COCH: variants seen among roughly 807,000 people sequenced by gnomAD.
COCH encodes the protein cochlin.
Under a neutral mutation model 54.8 loss-of-function variants are expected in COCH, and 40 were observed. That is an observed-to-expected ratio of 0.73 (90% CI 0.57 to 0.95). The LOEUF (loss-of-function observed/expected upper bound fraction) is 0.95. COCH is among the 40% of genes least tolerant of loss of function. The pLI is 0.00. For synonymous variants in COCH, 256 were observed against 237.9 expected (o/e 1.08, Z -0.70); for missense variants, 605 against 675.0 (o/e 0.90, Z 1.15).
chr14:30,888,638 A>G (rs1277095073), intron 11 of COCH, among the ~76,000 whole-genome samples: 1 of 152,034 alleles, frequency 6.6e-6, no homozygotes, highest in Non-Finnish European at 1.5e-5. Context: ...AAATTTAAAA[A>G]TTAGCTGGGC....
chr14:30,894,765 A>G (rs188492980), downstream of COCH: 28 of 215,544 alleles, frequency 1.3e-4, no homozygotes, highest in Non-Finnish European at 2.4e-4. Flanking sequence ...TAATGCAGAA[A>G]AACTTCAATA....
At position 30,875,118 on chromosome 14, in the gene COCH, T is replaced by TG. The variant is rs1895307754; in HGVS notation, c.82+19dup. 1.3e-6 allele frequency: 2 copies of TG among 1,556,146 alleles called. No individual in the cohort carries two copies. The highest frequency in any genetic ancestry group is 1.7e-6 in the Non-Finnish European group (2 of 1,151,204). On this transcript the variant is annotated intron_variant, in intron 3 of 11. Transcript: ENST00000396618. ...CGAGGGAGCCGGTGAGTGGGGGAGC[T>TG]GGGGTGCGTCCAGGCGGTCGCAGGG...
In COCH at chr14:30,875,112, G is replaced by T; in HGVS notation, c.82+9G>T. 6.4e-7 allele frequency: 1 copy of T among 1,559,628 alleles called. No homozygotes were observed. On this transcript the variant is annotated intron_variant, in intron 3 of 11. Transcript: ENST00000396618. Reference sequence around the variant, plus strand: ...GGGCAGCGAGGGAGCCGGTGAGTGGGGGAGCTGGGGTGCGTCCAGGCGGTC... The same window carrying T: ...GGGCAGCGAGGGAGCCGGTGAGTGGTGGAGCTGGGGTGCGTCCAGGCGGTC...
intron 5 of COCH, 134 bp downstream of exon 5, chr14:30,879,078 CTG>C: frequency 7.5e-7 from 1 of 1,335,414 alleles, no homozygotes; most frequent in Non-Finnish European, 1.1e-6. Context: ...TAGAGGTAAA[CTG>C]TAGGTTAGAC....
chr14:30,890,989 T>G (rs1045514787), downstream of COCH, among the ~76,000 whole-genome samples: 1 of 151,796 alleles, frequency 6.6e-6, no homozygotes, highest in Admixed American at 6.6e-5. Context: ...CAGTGAGCCA[T>G]GATCACACCA....
chr14:30,888,128 ATTAT>A (rs1895854221), intron 11 of COCH, among the ~76,000 whole-genome samples: 1 of 144,546 alleles, frequency 6.9e-6, no homozygotes, highest in African/African-American at 2.5e-5. Context: ...CAGTGGTGTG[ATTAT>A]TTTTTTTTTT....
chr14:30,876,799 A>AT (rs537945286), intron 3 of COCH, among the ~76,000 whole-genome samples: 4 of 149,344 alleles, frequency 2.7e-5, no homozygotes, highest in Middle Eastern at 3.5e-3. Flanking sequence ...AGATTTAAAA[A>AT]TTTTTTTTTT....
chr14:30,879,027 C>G (rs1012453247), intron 5 of COCH, 83 bp downstream of exon 5: 2 of 1,555,060 alleles, frequency 1.3e-6, no homozygotes, highest in Non-Finnish European at 1.8e-6. Context: ...GCCTCTTTAA[C>G]CTTGATGGAA....
intron 3 of COCH, chr14:30,875,506 C>A (rs920211317): frequency 7.9e-6 from 4 of 506,328 alleles, no homozygotes; most frequent in Non-Finnish European, 6.9e-6. Flanking sequence ...GCCGCCCAGA[C>A]CCGACTTCAG....
chr14:30,895,402 TTTG>T, downstream of COCH: 1 of 1,589,406 alleles, frequency 6.3e-7, no homozygotes, highest in East Asian at 2.2e-5. Context: ...GATGCAAGTT[TTTG>T]TTGATTCATA....
intron 11 of COCH, among the ~76,000 whole-genome samples, chr14:30,886,667 A>G (rs560974099): frequency 2.0e-4 from 30 of 152,344 alleles, no homozygotes; most frequent in Admixed American, 5.2e-4. Flanking sequence ...AACTTGGACT[A>G]TATCTCCAAA....
In COCH at chr14:30,877,221, G is replaced by A. The variant is rs1181869764; in HGVS notation, c.83-351G>A. The A allele has an allele frequency of 9.7e-5, 27 of 278,922 alleles. No homozygotes were observed. Among genetic ancestry groups the A allele is most frequent in the Non-Finnish European group, 1.0e-4 (15 of 145,196 alleles). The allele number at this position is 278,922 out of a possible 1,614,324, so 17.3% of individuals were successfully genotyped here. A position where few individuals can be genotyped will look rare whatever the true frequency, so the allele number is the denominator to read the frequency against. ...TAAGAACTGAGAAGCCAGGCACAGT[G>A]GCACACCTGTAATCCCAGCTACTAG... On this transcript the variant is annotated intron_variant, in intron 3 of 11. Transcript: ENST00000396618. The surrounding 1 kb of genome is among the most constrained non-coding windows in gnomAD (Gnocchi z 8.6).
downstream of COCH, chr14:30,894,836 T>G: frequency 4.1e-6 from 2 of 490,622 alleles, no homozygotes; most frequent in Non-Finnish European, 6.1e-6. Context: ...AACTAGAATT[T>G]TATCCAAACA....
downstream of COCH, among the ~76,000 whole-genome samples, chr14:30,893,186 C>G (rs1395518044): frequency 1.5e-5 from 2 of 129,906 alleles, no homozygotes; most frequent in African/African-American, 6.0e-5. Context: ...GACGGAGTCT[C>G]TGTCACCCAG....
At chr14:30,895,125 T>C (rs567835962), downstream of COCH, 1 of 203,588 alleles carries the variant, frequency 4.9e-6, no homozygotes, top group East Asian at 1.3e-4. Context: ...AAGATCAGAC[T>C]CCACATTGGC....
At chr14:30,879,261 A>T (rs921871612) in intron 5 of COCH, among the ~76,000 whole-genome samples, 162 bp from the exon 6 acceptor site, 1 of 152,228 alleles carries the variant, frequency 6.6e-6, no homozygotes, top group Admixed American at 6.5e-5. Context: ...GATATAATGG[A>T]TAAGCATTTT....
intron 11 of COCH, chr14:30,888,980 T>TA (rs1377731134): frequency 6.5e-6 from 1 of 152,862 alleles, no homozygotes; most frequent in Non-Finnish European, 1.5e-5. Flanking sequence ...TCTTGGGCAG[T>TA]ACTTTTTAGT....
chr14:30,882,836 C>T (rs903384420), intron 8 of COCH, among the ~76,000 whole-genome samples: 1 of 152,128 alleles, frequency 6.6e-6, no homozygotes, highest in African/African-American at 2.4e-5. Context: ...CTGCAGTGAG[C>T]TATGATGGCA....
chr14:30,894,188 G>A (rs575450423), downstream of COCH: 2 of 152,456 alleles, frequency 1.3e-5, no homozygotes, highest in South Asian at 2.1e-4. Flanking sequence ...TCTGTATCCT[G>A]ATTCAACTAT....
Sources: gnomAD v4.1 joint callset for allele counts (sites outside exome capture counted in the v4.1 genomes callset) on GRCh38, gnomAD v4.1.1 for gene constraint, Gnocchi (gnomAD v3.1) non-coding constraint, MANE v1.5 for transcripts, NCBI Gene and HGNC (gene_info 2026-07-23, HGNC 2026-07-21) for gene names.